Variants in STAU2 observed in about 807,000 individuals in gnomAD.
The protein encoded by STAU2 is staufen double-stranded RNA binding protein 2, also known as double-stranded RNA-binding protein Staufen homolog 2.
STAU2 carries 20 observed loss-of-function variants against 65.9 expected under a neutral mutation model. The ratio of observed to expected loss-of-function variants is 0.30; its 90% CI spans 0.21 to 0.44. STAU2 has a LOEUF of 0.44. Among genes scored for constraint, STAU2 ranks in the 20% least tolerant of loss-of-function variants. The pLI is 1.00. For missense variants in STAU2, 558 were observed against 683.9 expected (o/e 0.82, Z 2.05); for synonymous variants, 232 against 233.9 (o/e 0.99, Z 0.07).
At chr8:73,648,430 G>A (rs1815560645) in intron 6 of STAU2, among the ~76,000 whole-genome samples, 1 of 152,156 alleles carries the variant, frequency 6.6e-6, no homozygotes, top group Non-Finnish European at 1.5e-5. Context: ...TTAAACTTGA[G>A]TCTCTGTTTC....
intron 3 of STAU2, among the ~76,000 whole-genome samples, chr8:73,716,225 A>T (rs1391680205): frequency 6.6e-6 from 1 of 152,062 alleles, no homozygotes; most frequent in East Asian, 1.9e-4. Flanking sequence ...AGTAGCTGGG[A>T]CTACAGGCGC....
chr8:73,589,930 G>A (rs1368822305), intron 11 of STAU2, among the ~76,000 whole-genome samples: 2 of 151,412 alleles, frequency 1.3e-5, no homozygotes, highest in African/African-American at 4.9e-5. Context: ...AGGAGGAAGA[G>A]GAAGAGGAGG....
At chr8:73,561,572 A>G (rs927384121) in intron 12 of STAU2, 4 of 454,120 alleles carry the variant, frequency 8.8e-6, no homozygotes, top group Non-Finnish European at 4.4e-6. Flanking sequence ...AATGGATTAT[A>G]TAAGTCTGAC....
Position 73,624,908 on chromosome 8 carries a change from T to C in STAU2, c.411-7457A>G, listed in dbSNP as rs562225290. On this transcript the variant is annotated intron_variant, in intron 6 of 14. Transcript: ENST00000524300. ...GACACTGTAAGTCTAGAAGACCAAG[T>C]TGACTGCAAAGTCCTATTTCCTCTC... Among the ~76,000 whole-genome samples the C allele has an allele frequency of 1.3e-5, 2 of 152,206 alleles. 1 individual carries two copies. Among genetic ancestry groups the C allele is most frequent in the South Asian group, 4.1e-4 (2 of 4,834 alleles).
intron 12 of STAU2, among the ~76,000 whole-genome samples, chr8:73,579,633 G>A (rs1182496971): frequency 1.3e-5 from 2 of 152,076 alleles, no homozygotes; most frequent in South Asian, 2.1e-4. Context: ...TGTACACCAA[G>A]CATAAAATTG....
chr8:73,524,698 CT>C (rs1823249162), intron 13 of STAU2, among the ~76,000 whole-genome samples: 1 of 152,162 alleles, frequency 6.6e-6, no homozygotes, highest in African/African-American at 2.4e-5. Context: ...TTCACATATA[CT>C]TTTTTTCTCA....
At chr8:73,725,412 CCTTT>C (rs1366876222) in intron 3 of STAU2, among the ~76,000 whole-genome samples, 1 of 152,216 alleles carries the variant, frequency 6.6e-6, no homozygotes, top group South Asian at 2.1e-4. Context: ...TTCCCTTATC[CCTTT>C]CTTTATGCTA....
At chr8:73,717,622 TTTGTTGTTGTTGTTGTTG>T (rs75469180) in intron 3 of STAU2, among the ~76,000 whole-genome samples, 3 of 150,056 alleles carry the variant, frequency 2.0e-5, no homozygotes, top group Admixed American at 6.6e-5. Flanking sequence ...CTATTTGTCT[TTTGTTGTTGTTGTTGTTG>T]TTGTTGTTGT....
Position 73,453,956 on chromosome 8 carries a change from C to T in STAU2, c.1531-31254G>A, listed in dbSNP as rs371720210. Among the ~76,000 whole-genome samples the T allele has an allele frequency of 4.6e-4, 70 of 152,180 alleles. 1 individual carries two copies. The South Asian group carries it at 0.013, about 28-fold the overall frequency. On this transcript the variant is annotated intron_variant, in intron 13 of 14. Coordinates refer to ENST00000524300, the MANE Select transcript of STAU2 (RefSeq NM_001164380.2). Reference sequence around the variant, plus strand: ...CTCCAGAGGGCTGAGCTTCAAGCTGCCACTTGGATGCATGTCTGTGTAGCC... The same window carrying T: ...CTCCAGAGGGCTGAGCTTCAAGCTGTCACTTGGATGCATGTCTGTGTAGCC...
intron 13 of STAU2, among the ~76,000 whole-genome samples, chr8:73,477,465 C>G: frequency 6.6e-6 from 1 of 152,260 alleles, no homozygotes; most frequent in Non-Finnish European, 1.5e-5. Flanking sequence ...ATGTTAAATT[C>G]ATTTTTTATT....
intron 12 of STAU2, among the ~76,000 whole-genome samples, chr8:73,555,947 T>C (rs1807727151): frequency 6.6e-6 from 1 of 152,176 alleles, no homozygotes; most frequent in African/African-American, 2.4e-5. Flanking sequence ...TTCAATAAAT[T>C]TTTTTACAAG....
intron 12 of STAU2, among the ~76,000 whole-genome samples, chr8:73,565,828 G>C (rs777381208): frequency 1.3e-5 from 2 of 152,130 alleles, no homozygotes; most frequent in Admixed American, 6.5e-5. Flanking sequence ...AATATGTTGT[G>C]AGAACTTAAC....
chr8:73,560,811 TAAA>T (rs1808171718), intron 12 of STAU2, among the ~76,000 whole-genome samples: 1 of 152,216 alleles, frequency 6.6e-6, no homozygotes, highest in Non-Finnish European at 1.5e-5. Context: ...AAAAATGTTT[TAAA>T]GATCAATTTA....
At chr8:73,594,800 T>C (rs1811068585) in intron 11 of STAU2, among the ~76,000 whole-genome samples, 1 of 152,242 alleles carries the variant, frequency 6.6e-6, no homozygotes, top group African/African-American at 2.4e-5. Context: ...AGAATTTTTA[T>C]TTCCAGTGTT....
chr8:73,720,868 T>C (rs1275931325), intron 3 of STAU2, among the ~76,000 whole-genome samples: 1 of 152,088 alleles, frequency 6.6e-6, no homozygotes, highest in Non-Finnish European at 1.5e-5. Flanking sequence ...AGATTACTTA[T>C]ATTTTTTAAT....
intron 12 of STAU2, among the ~76,000 whole-genome samples, chr8:73,561,779 G>A (rs1808251877): frequency 6.6e-6 from 1 of 152,078 alleles, no homozygotes; most frequent in South Asian, 2.1e-4. Flanking sequence ...AACTCATAGA[G>A]TCCTTACTAG....
chr8:73,439,294 T>C, intron 13 of STAU2: 1 of 326,848 alleles, frequency 3.1e-6, no homozygotes, highest in South Asian at 2.4e-5. Context: ...CTGAATCCTG[T>C]GTGAAGGCAG....
intron 13 of STAU2, among the ~76,000 whole-genome samples, chr8:73,431,780 T>C (rs1340966729): frequency 6.6e-6 from 1 of 152,230 alleles, no homozygotes; most frequent in Non-Finnish European, 1.5e-5. Context: ...GCTCACAGAA[T>C]GGAGGTGAGT....
At chr8:73,601,676 T>C (rs1811638550) in intron 10 of STAU2, among the ~76,000 whole-genome samples, 1 of 152,152 alleles carries the variant, frequency 6.6e-6, no homozygotes, top group Non-Finnish European at 1.5e-5. Context: ...ATGAATTCAG[T>C]GCGAAAACAT....
Sources: allele counts gnomAD v4.1 joint callset (sites outside exome capture counted in the v4.1 genomes callset), GRCh38; gene constraint gnomAD v4.1.1; transcripts MANE v1.5; gene names NCBI Gene and HGNC (gene_info 2026-07-23, HGNC 2026-07-21).